OCA2: variants seen among roughly 807,000 people sequenced by gnomAD.
The protein encoded by OCA2 is OCA2 melanosomal transmembrane protein, also known as P protein.
In OCA2, 77 loss-of-function variants were observed where a neutral mutation model predicts 100.2. The ratio of observed to expected loss-of-function variants is 0.77; its 90% confidence interval spans 0.64 to 0.93. OCA2 has a LOEUF of 0.93. Ranked by LOEUF, OCA2 falls within the 40% of genes least tolerant of loss-of-function variation. The pLI is 0.00. For missense variants in OCA2, 1,062 were observed against 1,089.1 expected (o/e 0.98, Z 0.35); for synonymous variants, 432 against 439.2 (o/e 0.98, Z 0.21).
intron 19 of OCA2, among the ~76,000 whole-genome samples, chr15:27,898,224 G>A (rs2037787676): frequency 6.6e-6 from 1 of 152,190 alleles, no homozygotes; most frequent in Admixed American, 6.5e-5. Context: ...GTTTTGCAAT[G>A]TAAAGACATT....
At chr15:27,854,740 AAC>A (rs2035891168) in intron 21 of OCA2, among the ~76,000 whole-genome samples, 1 of 152,190 alleles carries the variant, frequency 6.6e-6, no homozygotes, top group East Asian at 1.9e-4. Context: ...GAGCAGAGCT[AAC>A]ACACACACAT....
intron 19 of OCA2, among the ~76,000 whole-genome samples, chr15:27,915,346 A>G (rs1356917399): frequency 2.0e-5 from 3 of 152,072 alleles, no homozygotes; most frequent in African/African-American, 7.3e-5. Flanking sequence ...CAACTAAAAC[A>G]AAAGTTGACA....
intron 4 of OCA2, among the ~76,000 whole-genome samples, chr15:28,026,846 G>A (rs1301393031): frequency 3.3e-5 from 5 of 152,330 alleles, no homozygotes; most frequent in African/African-American, 9.6e-5. Flanking sequence ...ACACGGTGAC[G>A]CTAATATTTG....
chr15:27,738,463 C>T, the OCA2 span, among the ~76,000 whole-genome samples: 3 of 152,180 alleles, frequency 2.0e-5, no homozygotes, highest in African/African-American at 7.2e-5. Context: ...GGGCCGGGCG[C>T]GGTGGCTCAT....
At chr15:27,827,512 T>C (rs866026307) in intron 23 of OCA2, among the ~76,000 whole-genome samples, 3 of 152,040 alleles carry the variant, frequency 2.0e-5, no homozygotes, top group Non-Finnish European at 2.9e-5. Context: ...CATCATACTA[T>C]TGGGTATTTT....
At chr15:27,911,709 C>A (rs2038404156) in intron 19 of OCA2, among the ~76,000 whole-genome samples, 1 of 152,106 alleles carries the variant, frequency 6.6e-6, no homozygotes, top group African/African-American at 2.4e-5. Context: ...AGAGGATCCA[C>A]CCCCCATGAC....
At chr15:27,921,780 A>T (rs2038867766) in intron 19 of OCA2, among the ~76,000 whole-genome samples, 1 of 152,184 alleles carries the variant, frequency 6.6e-6, no homozygotes, top group East Asian at 1.9e-4. Flanking sequence ...GGCTCACTGC[A>T]GTCTCAACCT....
chr15:27,959,536 C>T (rs1385141345), intron 15 of OCA2, among the ~76,000 whole-genome samples: 1 of 152,226 alleles, frequency 6.6e-6, no homozygotes, highest in Non-Finnish European at 1.5e-5. Context: ...ACTTTCCAGC[C>T]ATTCTCTAAA....
rs77668564 is a variant in OCA2, at chr15:28,070,299, C to T, written c.227+11349G>A. ...GTCTCCGCCCGGCAGCCACCCCGTC[C>T]GGGAGGGAGGTGGGGGGGGGTCAGC... On this transcript the variant is annotated intron_variant, in intron 2 of 23. Coordinates refer to ENST00000354638, the MANE Select transcript of OCA2 (RefSeq NM_000275.3). Among the ~76,000 whole-genome samples, 1,107 of 140,418 alleles carry T rather than the reference C, an allele frequency of 7.9e-3. 11 individuals are homozygous for T. Among genetic ancestry groups the T allele is most frequent in the Non-Finnish European group, 9.9e-3 (647 of 65,590 alleles). The allele number at this position is 140,418 out of a possible 152,430, so 92.1% of individuals were successfully genotyped here. A position where few individuals can be genotyped will look rare whatever the true frequency, so the allele number is the denominator to read the frequency against.
intron 2 of OCA2, among the ~76,000 whole-genome samples, chr15:28,033,403 T>C (rs2042963569): frequency 6.6e-6 from 1 of 152,146 alleles, no homozygotes; most frequent in Admixed American, 6.5e-5. Context: ...AAGAAAAATA[T>C]TTTTGCTTGC....
intron 23 of OCA2, among the ~76,000 whole-genome samples, chr15:27,827,311 T>C (rs1340974495): frequency 1.3e-5 from 2 of 152,176 alleles, no homozygotes; most frequent in Non-Finnish European, 2.9e-5. Flanking sequence ...GGAAACAAGC[T>C]GAACGGCAAG....
At chr15:27,906,675 G>T (rs772013627) in intron 19 of OCA2, among the ~76,000 whole-genome samples, 44 of 152,010 alleles carry the variant, frequency 2.9e-4, no homozygotes, top group Non-Finnish European at 5.6e-4. Context: ...ACTGACATCA[G>T]GTCTTCCAAA....
Position 28,043,064 on chromosome 15 carries a change from A to G in OCA2, c.228-10901T>C, listed in dbSNP as rs1395400906. On this transcript the variant is annotated intron_variant, in intron 2 of 23. Coordinates refer to ENST00000354638, the MANE Select transcript of OCA2 (RefSeq NM_000275.3). This position sits in a 1 kb window ranked among gnomAD's most constrained non-coding sequence, Gnocchi z 4.4. ...TGTAAGGACAGTTAACACAAGAAAT[A>G]TTGAATATAAATGGATATTAATAAT... Among the ~76,000 whole-genome samples the G allele has an allele frequency of 6.6e-6, 1 of 152,256 alleles. No individual in the cohort carries two copies. Among genetic ancestry groups the G allele is most frequent in the African/African-American group, 2.4e-5 (1 of 41,474 alleles).
intron 2 of OCA2, among the ~76,000 whole-genome samples, chr15:28,070,238 C>T (rs1456074224): frequency 1.1e-4 from 15 of 138,492 alleles, no homozygotes; most frequent in Admixed American, 6.1e-4. Flanking sequence ...AGGAGCCTCT[C>T]CGCCCGGCAG....
chr15:28,019,909 C>T (rs926946736), intron 6 of OCA2, among the ~76,000 whole-genome samples: 14 of 152,196 alleles, frequency 9.2e-5, no homozygotes, highest in East Asian at 1.9e-4. Flanking sequence ...CGTGAGTTTC[C>T]GGAAAGCGTG....
At chr15:27,770,513 C>T (rs1341244992) in intron 23 of OCA2, among the ~76,000 whole-genome samples, 1 of 120,968 alleles carries the variant, frequency 8.3e-6, no homozygotes, top group Admixed American at 8.7e-5. Flanking sequence ...ACCCTCCCCG[C>T]AGGCCGCCGG....
chr15:27,850,494 T>C (rs1176096484), intron 22 of OCA2, among the ~76,000 whole-genome samples: 23 of 152,162 alleles, frequency 1.5e-4, no homozygotes, highest in Admixed American at 1.4e-3. Flanking sequence ...GGACTGGTTC[T>C]TAGGGGCAAT....
At chr15:28,031,571 A>T (rs1235469675) in intron 3 of OCA2, among the ~76,000 whole-genome samples, 1 of 152,248 alleles carries the variant, frequency 6.6e-6, no homozygotes, top group Non-Finnish European at 1.5e-5. Flanking sequence ...GTTTGCAGGA[A>T]ATTGAGTTTT....
the OCA2 span, among the ~76,000 whole-genome samples, chr15:27,746,779 A>G: frequency 6.6e-6 from 1 of 152,210 alleles, no homozygotes. Flanking sequence ...ATTTTTGGAC[A>G]GTGGGATGTA....
Sources: gnomAD v4.1 joint callset for allele counts (sites outside exome capture counted in the v4.1 genomes callset) on GRCh38, gnomAD v4.1.1 for gene constraint, Gnocchi (gnomAD v3.1) non-coding constraint, MANE v1.5 for transcripts, NCBI Gene and HGNC (gene_info 2026-07-23, HGNC 2026-07-21) for gene names.